ITIH1: variants seen among roughly 807,000 people sequenced by gnomAD.
ITIH1 encodes inter-alpha-trypsin inhibitor heavy chain H1.
Under a neutral mutation model 104.6 loss-of-function variants are expected in ITIH1, and 94 were observed. The ratio of observed to expected loss-of-function variants is 0.90; its 90% CI spans 0.76 to 1.07. The LOEUF (loss-of-function observed/expected upper bound fraction) is 1.07. Among genes scored for constraint, ITIH1 ranks in the 50% least tolerant of loss-of-function variants. ITIH1 has a pLI of 0.00. For synonymous variants in ITIH1, 455 were observed against 464.4 expected (o/e 0.98, Z 0.26); for missense variants, 1,193 against 1,181.4 (o/e 1.01, Z -0.14).
chr3:52,790,986 T>A, intron 20 of ITIH1, 65 bp downstream of exon 20: 3 of 1,496,582 alleles, frequency 2.0e-6, no homozygotes, highest in South Asian at 1.3e-5. Context: ...ATGTGGGACC[T>A]GGGGCCACCG....
In ITIH1 at chr3:52,789,859, C is replaced by T. The variant is rs750962539; in HGVS notation, c.2321+5C>T. 1 of 1,613,922 alleles carries T rather than the reference C, an allele frequency of 6.2e-7. No homozygotes were observed. The highest frequency in any genetic ancestry group is 1.1e-5 in the South Asian group (1 of 91,082). ...AGCTGTGCTGCGGCAGGACGGGTAA[C>T]CTGCCAGGGCCTGGGCAAGATGCAG... On this transcript the variant is annotated splice_donor_5th_base_variant and intron_variant, in intron 19 of 21. Transcript: ENST00000273283.
chr3:52,779,900 C>A lies in ITIH1; in HGVS notation c.573+306C>A. 1 of 1,382,414 alleles carries A rather than the reference C, an allele frequency of 7.2e-7. No individual in the cohort carries two copies. The highest frequency in any genetic ancestry group is 9.4e-7 in the Non-Finnish European group (1 of 1,067,494). 85.6% of individuals were successfully genotyped at this position (1,382,414 alleles called of 1,614,324 possible). On this transcript the variant is annotated intron_variant, in intron 5 of 21. Transcript: ENST00000273283. This position sits in a 1 kb window ranked among gnomAD's most constrained non-coding sequence, Gnocchi z 4.4. ...CAGGTAATTTTGTAAACTAGAAAGT[C>A]CCGCGCAGCCTGAGGGCCTGGAATT...
In ITIH1 at chr3:52,783,330, C is replaced by A; in HGVS notation, c.1216C>A (p.Pro406Thr). ...ACTCATCATGTTGACAGATGGCGAT[C>A]CCACAGAGGGTAAGCACCTTGGGGG... The part of the protein sequence containing the change: ...SILIMLTDGD[P>T]TEGVTDRSQI... Residue 406 changes from proline (P) to threonine (T), a missense_variant, in exon 10 of 22, where the codon CCC becomes ACC. Transcript: ENST00000273283. The A allele has an allele frequency of 1.2e-6, 2 of 1,613,936 alleles. No individual in the cohort carries two copies. Among genetic ancestry groups the A allele is most frequent in the Non-Finnish European group, 1.7e-6 (2 of 1,180,004 alleles).
Position 52,790,572 on chromosome 3 carries a change from AG to A in ITIH1, c.2322-174del. The A allele has an allele frequency of 4.7e-6, 3 of 640,000 alleles. No homozygotes were observed. The South Asian group carries it at 5.8e-5, about 12-fold the overall frequency. The allele number at this position is 640,000 out of a possible 1,614,324, so 39.6% of individuals were successfully genotyped here. ...TTAGCACAGGACCTGGCACATTGCA[AG>A]GGCCCCAAGCAACATGTGGGGAGGG... On this transcript the variant is annotated intron_variant, in intron 19 of 21. Coordinates refer to ENST00000273283, the MANE Select transcript of ITIH1 (RefSeq NM_002215.4).
At position 52,792,036 on chromosome 3, in the gene ITIH1, C is replaced by G; in HGVS notation, c.*125C>G. On this transcript the variant is annotated 3_prime_UTR_variant, in exon 22 of 22. Transcript: ENST00000273283. Reference sequence around the variant, plus strand: ...GTTCCTTGTGTCAAAGCACCTCATGCCTTCCATTAAAGAGAGGCCGTGTCC... The same window carrying G: ...GTTCCTTGTGTCAAAGCACCTCATGGCTTCCATTAAAGAGAGGCCGTGTCC... 8.8e-7 allele frequency: 1 copy of G among 1,132,416 alleles called. No homozygotes were observed. Among genetic ancestry groups the G allele is most frequent in the Non-Finnish European group, 1.2e-6 (1 of 804,924 alleles). 70.1% of individuals were successfully genotyped at this position (1,132,416 alleles called of 1,614,324 possible).
At chr3:52,790,280 A>ATTCT (rs1356984334) in intron 19 of ITIH1, 2 of 270,208 alleles carry the variant, frequency 7.4e-6, no homozygotes, top group Non-Finnish European at 1.4e-5. Context: ...TCATTCATTC[A>ATTCT]TTCATTCATT....
In ITIH1 at chr3:52,782,239, G is replaced by C; in HGVS notation, c.902G>C (p.Gly301Ala). 1 of 1,614,128 alleles carries C rather than the reference G, an allele frequency of 6.2e-7. No individual in the cohort carries two copies. Among genetic ancestry groups the C allele is most frequent in the Non-Finnish European group, 8.5e-7 (1 of 1,180,008 alleles). ...KNVVFVIDIS[G>A]SMRGQKVKQT... ...GTGGTTTTTGTGATTGACATCAGTG[G>C]CTCCATGAGAGGCCAGAAAGTGAAG... The change falls in exon 8 of 22, where the codon GGC becomes GCC. Residue 301 changes from glycine to alanine, a missense_variant. Coordinates refer to ENST00000273283, the MANE Select transcript of ITIH1 (RefSeq NM_002215.4).
chr3:52,788,093 C>A, intron 17 of ITIH1, 27 bp downstream of exon 17: 2 of 1,575,858 alleles, frequency 1.3e-6, no homozygotes, highest in Non-Finnish European at 1.7e-6. Context: ...GTCTGAGGGA[C>A]ACCCCTGTTT....
chr3:52,781,279 TCTTCTTCC>T (rs1699049415), intron 6 of ITIH1, among the ~76,000 whole-genome samples: 1 of 117,400 alleles, frequency 8.5e-6, no homozygotes, highest in African/African-American at 2.8e-5. Flanking sequence ...TTCTTCTTCT[TCTTCTTCC>T]TCTTCTTCTT....
chr3:52,790,767 C>G lies in ITIH1; in HGVS notation c.2340C>G (p.Asn780Lys), dbSNP rs1699332215. 7 of 1,612,522 alleles carry G rather than the reference C, an allele frequency of 4.3e-6. No individual in the cohort carries two copies. In the Admixed American group the frequency reaches 1.2e-4, roughly 27 times the overall value. Reference sequence around the variant, plus strand: ...TCTGCAGGGTGGTGGTGACCATCAACAAGAAGAGGAACCTGGTGGTGTCTG... The same window carrying G: ...TCTGCAGGGTGGTGGTGACCATCAAGAAGAAGAGGAACCTGGTGGTGTCTG... ...LRQDGVVVTI[N>K]KKRNLVVSVD... is the part of the protein sequence containing the mutation. The change falls in exon 20 of 22, where the codon AAC becomes AAG. Residue 780 changes from asparagine to lysine, a missense_variant. Asn to Lys is a moderately conservative substitution (Grantham distance 94, BLOSUM62 0). Coordinates refer to ENST00000273283, the MANE Select transcript of ITIH1 (RefSeq NM_002215.4).
Position 52,790,840 on chromosome 3 carries a change from G to A in ITIH1, c.2413G>A (p.Gly805Arg). The A allele has an allele frequency of 6.2e-7, 1 of 1,613,166 alleles. No homozygotes were observed. The highest frequency in any genetic ancestry group is 8.5e-7 in the Non-Finnish European group (1 of 1,179,604). Reference protein sequence around the residue: ...FEVVLHRVWKGSSVHQDFLGF... With the variant: ...FEVVLHRVWKRSSVHQDFLGF... ...GGTTGTTTTGCACCGAGTGTGGAAGGGGAGCTCGGTCCACCAGGACTTCCT... is the reference window on the plus strand; with the variant it reads ...GGTTGTTTTGCACCGAGTGTGGAAGAGGAGCTCGGTCCACCAGGACTTCCT... Residue 805 changes from glycine to arginine, a missense_variant, in exon 20 of 22, where the codon GGG becomes AGG. Coordinates refer to ENST00000273283, the MANE Select transcript of ITIH1 (RefSeq NM_002215.4).
intron 8 of ITIH1, among the ~76,000 whole-genome samples, chr3:52,782,723 C>T (rs1699095424): frequency 6.6e-6 from 1 of 152,112 alleles, no homozygotes; most frequent in Non-Finnish European, 1.5e-5. Flanking sequence ...TAATCCTGCC[C>T]CTCCCGAACT....
At chr3:52,781,101 G>C (rs950371729) in intron 6 of ITIH1, among the ~76,000 whole-genome samples, 1 of 152,164 alleles carries the variant, frequency 6.6e-6, no homozygotes, top group African/African-American at 2.4e-5. Context: ...GGGGAACAAA[G>C]GGATGGGTCC....
Position 52,786,280 on chromosome 3 carries a change from T to C in ITIH1, c.1594-15T>C. On this transcript the variant is annotated splice_polypyrimidine_tract_variant and intron_variant, in intron 12 of 21. Coordinates refer to ENST00000273283, the MANE Select transcript of ITIH1 (RefSeq NM_002215.4). ...TATCATGGTGCACCACCCCTCTCTG[T>C]ACCTCAACTCTCAGGAGGGACAAGA... 1.3e-6 allele frequency: 2 copies of C among 1,564,020 alleles called. No individual in the cohort carries two copies. Among genetic ancestry groups the C allele is most frequent in the African/African-American group, 1.3e-5 (1 of 74,194 alleles).
intron 19 of ITIH1, chr3:52,790,231 T>C (rs189473329): frequency 2.0e-4 from 64 of 323,140 alleles, no homozygotes; most frequent in African/African-American, 1.3e-3. Context: ...TGTCTTAGTC[T>C]GCATTGTCTC....
chr3:52,784,252 C>T, intron 10 of ITIH1, 44 bp from the exon 11 acceptor site: 1 of 1,556,678 alleles, frequency 6.4e-7, no homozygotes, highest in South Asian at 1.2e-5. Flanking sequence ...CCCCACATGC[C>T]TGTGGGCCAG....
At chr3:52,782,335 G>C (rs1699081325) in intron 8 of ITIH1, 68 bp downstream of exon 8, 4 of 1,237,710 alleles carry the variant, frequency 3.2e-6, no homozygotes. Flanking sequence ...CCACATGCCA[G>C]TTTTGCTGCC....
At chr3:52,778,264 AGTCCCC>A (rs1698951891) in intron 2 of ITIH1, 70 bp from the exon 3 acceptor site, 1 of 1,467,522 alleles carries the variant, frequency 6.8e-7, no homozygotes, top group Non-Finnish European at 9.5e-7. Context: ...CTAAGTGCCA[AGTCCCC>A]GTACCACAGG....
chr3:52,787,315 C>T (rs1699228949), intron 15 of ITIH1, 113 bp downstream of exon 15: 1 of 1,429,488 alleles, frequency 7.0e-7, no homozygotes, highest in African/African-American at 1.4e-5. Context: ...TGACTCCACT[C>T]CTTCCCGTTC....
Sources: gnomAD v4.1 joint callset for allele counts (sites outside exome capture counted in the v4.1 genomes callset) on GRCh38, gnomAD v4.1.1 for gene constraint, Gnocchi (gnomAD v3.1) non-coding constraint, MANE v1.5 for transcripts, NCBI Gene and HGNC (gene_info 2026-07-23, HGNC 2026-07-21) for gene names.